The following NCAM2 variants were observed in gnomAD, a reference collection of about 807,000 sequenced individuals.
NCAM2 encodes neural cell adhesion molecule 2.
Under a neutral mutation model 98.1 loss-of-function variants are expected in NCAM2, and 30 were observed. The observed-to-expected ratio is 0.31, with a 90% CI of 0.23 to 0.41. NCAM2 has a LOEUF of 0.41. Among genes scored for constraint, NCAM2 ranks in the 10% least tolerant of loss-of-function variants. The probability of loss-of-function intolerance (pLI) is 1.00; values close to 1 mark genes in which losing one functional copy is unlikely to be tolerated. For missense variants in NCAM2, 867 were observed against 1,005.8 expected (o/e 0.86, Z 1.87); for synonymous variants, 368 against 342.4 (o/e 1.07, Z -0.83).
At position 21,217,895 on chromosome 21, in the gene NCAM2, A is replaced by G. The variant is rs547963942; in HGVS notation, c.56-62683A>G. Among the ~76,000 whole-genome samples the G allele has an allele frequency of 5.9e-5, 9 of 152,336 alleles. No homozygotes were observed. In the South Asian group the frequency reaches 1.9e-3, roughly 32 times the overall value. ...TGGAGGTGACTTTGGGAAGATGGCA[A>G]GAACACAGGCTGAAAGCTGGTAGGA... On this transcript the variant is annotated intron_variant, in intron 1 of 17. Coordinates refer to ENST00000400546, the MANE Select transcript of NCAM2 (RefSeq NM_004540.5).
rs555071625 is a variant in NCAM2, at chr21:21,543,025, T to G, written c.*5068T>G. The G allele has an allele frequency of 1.3e-5, 2 of 151,770 alleles. No homozygotes were observed. Among genetic ancestry groups the G allele is most frequent in the African/African-American group, 4.8e-5 (2 of 41,366 alleles). 9.4% of individuals were successfully genotyped at this position (151,770 alleles called of 1,614,324 possible). A position where few individuals can be genotyped will look rare whatever the true frequency, so the allele number is the denominator to read the frequency against. ...ATAAAGGTTTTTTTAAAAAAAAAGC[T>G]TTTTTGGTATGTGAACTGTATGCTG... is the stretch of plus-strand genomic sequence containing the variant. On this transcript the variant is annotated 3_prime_UTR_variant, in exon 18 of 18. Transcript: ENST00000400546.
At chr21:21,272,593 A>G (rs1215466044) in intron 1 of NCAM2, among the ~76,000 whole-genome samples, 1 of 151,966 alleles carries the variant, frequency 6.6e-6, no homozygotes, top group African/African-American at 2.4e-5. Context: ...CAGAATATTC[A>G]CTAGAGCAGC....
intron 1 of NCAM2, among the ~76,000 whole-genome samples, chr21:21,204,744 A>G (rs1369448674): frequency 6.6e-6 from 1 of 152,162 alleles, no homozygotes; most frequent in African/African-American, 2.4e-5. Flanking sequence ...ATATTTTAGA[A>G]AAATTGGGCT....
At chr21:21,433,713 A>C (rs1340548493) in intron 12 of NCAM2, among the ~76,000 whole-genome samples, 4 of 150,756 alleles carry the variant, frequency 2.7e-5, no homozygotes, top group African/African-American at 4.9e-5. Context: ...ACTGCACTCC[A>C]GCCTGGGCGA....
At chr21:21,267,804 A>T (rs2072343989) in intron 1 of NCAM2, among the ~76,000 whole-genome samples, 1 of 152,216 alleles carries the variant, frequency 6.6e-6, no homozygotes, top group South Asian at 2.1e-4. Flanking sequence ...TTGTAAATAT[A>T]ATGGAGCTAG....
At chr21:21,387,291 G>A (rs958652062) in intron 9 of NCAM2, among the ~76,000 whole-genome samples, 5 of 151,208 alleles carry the variant, frequency 3.3e-5, no homozygotes, top group South Asian at 2.1e-4. Flanking sequence ...CCCTCATAAC[G>A]TCACTTAAAC....
intron 1 of NCAM2, among the ~76,000 whole-genome samples, chr21:21,115,779 T>C (rs183761175): frequency 1.5e-3 from 232 of 152,320 alleles, no homozygotes; most frequent in African/African-American, 5.5e-3. Flanking sequence ...AGTTTAATTA[T>C]AAGTTCAAAA....
intron 1 of NCAM2, among the ~76,000 whole-genome samples, chr21:21,183,230 A>G (rs2068535056): frequency 6.6e-6 from 1 of 152,156 alleles, no homozygotes; most frequent in African/African-American, 2.4e-5. Context: ...AAATTCAGGG[A>G]CAACAAGGTT....
At chr21:21,249,095 T>A (rs1433394841) in intron 1 of NCAM2, among the ~76,000 whole-genome samples, 1 of 152,128 alleles carries the variant, frequency 6.6e-6, no homozygotes, top group East Asian at 1.9e-4. Context: ...AATAAAATAA[T>A]AATAATGATA....
At chr21:21,356,515 G>A (rs915193868) in intron 8 of NCAM2, among the ~76,000 whole-genome samples, 5 of 151,862 alleles carry the variant, frequency 3.3e-5, no homozygotes, top group Non-Finnish European at 7.4e-5. Context: ...TTATTCTTAA[G>A]AAAATGTAAC....
chr21:21,279,187 C>T (rs1176169076), intron 1 of NCAM2, among the ~76,000 whole-genome samples: 1 of 152,108 alleles, frequency 6.6e-6, no homozygotes, highest in Non-Finnish European at 1.5e-5. Flanking sequence ...AATTAAAATC[C>T]CAAACATGGG....
intron 1 of NCAM2, among the ~76,000 whole-genome samples, chr21:21,151,765 A>C (rs12151956): frequency 0.98 from 148,987 of 152,098 alleles, 73,029 homozygotes; most frequent in East Asian, 1. Flanking sequence ...ATGTGTTTTT[A>C]CATGCTTATG....
intron 15 of NCAM2, among the ~76,000 whole-genome samples, chr21:21,507,141 C>T (rs1474567814): frequency 6.6e-5 from 10 of 151,698 alleles, no homozygotes; most frequent in Admixed American, 6.6e-4. Flanking sequence ...AGACATGACA[C>T]TCAGTCATCC....
At chr21:21,398,367 T>G (rs956835780) in intron 9 of NCAM2, among the ~76,000 whole-genome samples, 1 of 152,032 alleles carries the variant, frequency 6.6e-6, no homozygotes, top group East Asian at 1.9e-4. Context: ...ACTAAATAAC[T>G]TATCCTTAGA....
intron 1 of NCAM2, among the ~76,000 whole-genome samples, chr21:21,144,463 C>A (rs2067231775): frequency 6.6e-6 from 1 of 151,930 alleles, no homozygotes; most frequent in South Asian, 2.1e-4. Flanking sequence ...ACACTCCAAA[C>A]CAAAATCATT....
chr21:21,033,975 G>A (rs1287430069), intron 1 of NCAM2, among the ~76,000 whole-genome samples: 1 of 150,866 alleles, frequency 6.6e-6, no homozygotes, highest in Non-Finnish European at 1.5e-5. Context: ...TTATTTTCAG[G>A]AAGTTTTACA....
At chr21:21,161,279 A>G (rs1449518923) in intron 1 of NCAM2, among the ~76,000 whole-genome samples, 1 of 152,042 alleles carries the variant, frequency 6.6e-6, no homozygotes, top group Non-Finnish European at 1.5e-5. Flanking sequence ...AGACGGAAAA[A>G]GGACTAAGTT....
rs775957088 is a variant in NCAM2, at chr21:21,468,654, A to T, written c.1775-8A>T. 5 of 1,608,348 alleles carry T rather than the reference A, an allele frequency of 3.1e-6. No homozygotes were observed. Among genetic ancestry groups the T allele is most frequent in the Admixed American group, 1.7e-5 (1 of 59,410 alleles). On this transcript the variant is annotated splice_region_variant and splice_polypyrimidine_tract_variant and intron_variant, in intron 13 of 17. Coordinates refer to ENST00000400546, the MANE Select transcript of NCAM2 (RefSeq NM_004540.5). ...TGCAAATGAAGAAATGTTGTATTGT[A>T]TATCTAGGTGAACCAAGTCCTCCAT... is the stretch of plus-strand genomic sequence containing the variant.
intron 1 of NCAM2, among the ~76,000 whole-genome samples, chr21:21,076,070 T>C (rs1601293520): frequency 6.7e-6 from 1 of 149,718 alleles, no homozygotes; most frequent in African/African-American, 2.5e-5. Context: ...TGAGGCTAGA[T>C]CATGCCACTG....
Sources: gnomAD v4.1 joint callset for allele counts (sites outside exome capture counted in the v4.1 genomes callset) on GRCh38, gnomAD v4.1.1 for gene constraint, MANE v1.5 for transcripts, NCBI Gene and HGNC (gene_info 2026-07-23, HGNC 2026-07-21) for gene names.